The following HYDIN variants were observed in gnomAD, a reference collection of about 807,000 sequenced individuals.
HYDIN encodes HYDIN axonemal central pair apparatus protein, also known as axonemal central pair apparatus protein HYDIN.
Under a neutral mutation model 403.9 loss-of-function variants are expected in HYDIN, and 132 were observed. The ratio of observed to expected loss-of-function variants is 0.33; its 90% CI spans 0.28 to 0.38. The LOEUF (loss-of-function observed/expected upper bound fraction) is 0.38, where lower values mean the gene tolerates loss of function less well. Ranked by LOEUF, HYDIN falls within the 10% of genes least tolerant of loss-of-function variation. The pLI, the probability that HYDIN is intolerant of heterozygous loss-of-function variation, is 1.00. For synonymous variants in HYDIN, 1,202 were observed against 1,891.7 expected (o/e 0.64, Z 9.46); for missense variants, 2,827 against 5,009.5 (o/e 0.56, Z 13.15).
chr16:71,221,781 A>G (rs908125429), intron 1 of HYDIN, among the ~76,000 whole-genome samples: 23 of 152,232 alleles, frequency 1.5e-4, no homozygotes, highest in South Asian at 2.1e-4. Flanking sequence ...GAAGAAATAT[A>G]GTGTTAAATC....
At chr16:71,013,554 G>A (rs1441048538) in intron 23 of HYDIN, among the ~76,000 whole-genome samples, 2 of 151,886 alleles carry the variant, frequency 1.3e-5, no homozygotes, top group Non-Finnish European at 2.9e-5. Flanking sequence ...TGGTGCATGC[G>A]TGGAAGCAGA....
chr16:71,009,567 T>C (rs572138090), intron 23 of HYDIN, among the ~76,000 whole-genome samples: 1 of 152,260 alleles, frequency 6.6e-6, no homozygotes, highest in African/African-American at 2.4e-5. Flanking sequence ...ATGTCCATGT[T>C]TGAATCCCTG....
rs376705014 is a variant in HYDIN at position 71,057,534 on chromosome 16, T to C, written c.2529+2970A>G. ...ATATCTGACAAATGCTGAAACTAAATGTTAGTTCTCATCCAAATGCAATAA... is the reference window on the plus strand; with the variant it reads ...ATATCTGACAAATGCTGAAACTAAACGTTAGTTCTCATCCAAATGCAATAA... On this transcript the variant is annotated intron_variant, in intron 18 of 85. Coordinates refer to ENST00000393567, the MANE Select transcript of HYDIN (RefSeq NM_001270974.2). Among the ~76,000 whole-genome samples, 51 of 152,318 alleles carry C rather than the reference T, an allele frequency of 3.3e-4. 1 individual carries two copies. The highest frequency in any genetic ancestry group is 1.2e-3 in the African/African-American group (48 of 41,580).
At chr16:71,000,225 G>A (rs1052531416) in intron 23 of HYDIN, among the ~76,000 whole-genome samples, 10 of 151,940 alleles carry the variant, frequency 6.6e-5, no homozygotes, top group South Asian at 4.2e-4. Context: ...GATAGTTTCC[G>A]CTGATTTCAT....
At chr16:70,974,355 G>A in intron 32 of HYDIN, 55 bp from the exon 33 acceptor site, 3 of 1,488,444 alleles carry the variant, frequency 2.0e-6, no homozygotes, top group Non-Finnish European at 2.7e-6. Flanking sequence ...GCAAACAAGA[G>A]CTGCTCTAGA....
chr16:70,943,277 T>C (rs896475554), intron 42 of HYDIN, among the ~76,000 whole-genome samples: 5 of 152,176 alleles, frequency 3.3e-5, no homozygotes, highest in South Asian at 2.1e-4. Context: ...TTAAAAGCAA[T>C]ATGTCATTGT....
At chr16:70,871,318 T>A (rs1341297336) in intron 65 of HYDIN, among the ~76,000 whole-genome samples, 1 of 152,186 alleles carries the variant, frequency 6.6e-6, no homozygotes, top group African/African-American at 2.4e-5. Context: ...AGTACTGTGC[T>A]TGAGCAGACT....
chr16:71,105,479 A>T (rs1444018402), intron 10 of HYDIN, among the ~76,000 whole-genome samples: 1 of 127,128 alleles, frequency 7.9e-6, no homozygotes, highest in Non-Finnish European at 1.7e-5. Flanking sequence ...AATCTAATTC[A>T]ATCTCCATTC....
intron 47 of HYDIN, among the ~76,000 whole-genome samples, chr16:70,913,150 C>G (rs2076740621): frequency 6.7e-6 from 1 of 149,968 alleles, no homozygotes; most frequent in African/African-American, 2.5e-5. Flanking sequence ...CTGCTCTGAC[C>G]TTGGTTATTT....
chr16:71,061,350 G>A (rs377450319), intron 17 of HYDIN, among the ~76,000 whole-genome samples: 2,317 of 151,710 alleles, frequency 0.015, 5 homozygotes, highest in African/African-American at 0.052. Context: ...ATATGGAAGA[G>A]ATAAAAGCAA....
At chr16:70,967,060 T>A (rs1422885883) in intron 36 of HYDIN, among the ~76,000 whole-genome samples, 2 of 151,736 alleles carry the variant, frequency 1.3e-5, no homozygotes, top group Non-Finnish European at 2.9e-5. Context: ...GAAAAAGAGA[T>A]TACTAGCTAA....
intron 9 of HYDIN, among the ~76,000 whole-genome samples, chr16:71,124,320 T>C (rs1468164282): frequency 1.3e-5 from 2 of 152,272 alleles, no homozygotes; most frequent in Non-Finnish European, 2.9e-5. Flanking sequence ...TTCTAGAGTT[T>C]TGAGTCTGTC....
In HYDIN at chr16:71,031,711, A is replaced by T. The variant is rs137959680; in HGVS notation, c.2736T>A (p.Phe912Leu). The change falls in exon 19 of 86, where the codon TTT (phenylalanine) becomes TTA (leucine). Residue 912 changes from phenylalanine to leucine, a missense_variant. By Grantham distance (22) the Phe-to-Leu change is conservative (BLOSUM62 0). Coordinates refer to ENST00000393567, the MANE Select transcript of HYDIN (RefSeq NM_001270974.2). ...TGSTIVSDKP[F>L]APELNLGAHF... is the part of the protein sequence containing the mutation. ...GTGCCCCCAAATTGAGTTCTGGAGC[A>T]AAGGGCTTATCTGAAACAATAGTGG... The T allele has an allele frequency of 1.9e-5, 30 of 1,565,832 alleles. 2 individuals carry two copies. The African/African-American group carries it at 4.1e-4, about 21-fold the overall frequency.
intron 18 of HYDIN, among the ~76,000 whole-genome samples, chr16:71,057,492 T>G (rs1469928458): frequency 6.6e-6 from 1 of 152,232 alleles, no homozygotes; most frequent in East Asian, 1.9e-4. Flanking sequence ...AAATTAATAA[T>G]ACTTGATTAT....
chr16:71,224,597 T>C (rs573725199), intron 1 of HYDIN, among the ~76,000 whole-genome samples: 20 of 144,468 alleles, frequency 1.4e-4, no homozygotes, highest in African/African-American at 4.6e-4. Flanking sequence ...AGTCTCGCTC[T>C]GTCGCCCAGG....
chr16:70,947,754 G>A (rs1385025193), intron 41 of HYDIN, among the ~76,000 whole-genome samples: 14 of 152,274 alleles, frequency 9.2e-5, no homozygotes, highest in African/African-American at 2.9e-4. Flanking sequence ...TACAAGGGAC[G>A]TGAAGGACCT....
At chr16:71,156,816 C>T (rs1225818005) in intron 6 of HYDIN, among the ~76,000 whole-genome samples, 2 of 152,014 alleles carry the variant, frequency 1.3e-5, no homozygotes, top group Non-Finnish European at 2.9e-5. Context: ...CTCTCTATTT[C>T]ACCTTCCAAT....
chr16:71,089,661 G>A (rs1423257070), intron 11 of HYDIN, among the ~76,000 whole-genome samples: 8 of 152,122 alleles, frequency 5.3e-5, no homozygotes, highest in East Asian at 3.9e-4. Flanking sequence ...CTGACCTTGA[G>A]GAAGAGAGTA....
intron 13 of HYDIN, among the ~76,000 whole-genome samples, chr16:71,078,428 A>C (rs2082682965): frequency 6.6e-6 from 1 of 152,014 alleles, no homozygotes; most frequent in Admixed American, 6.6e-5. Flanking sequence ...GCATTCTCTT[A>C]TCTGTTTTTA....
Sources: gnomAD v4.1 joint callset for allele counts (sites outside exome capture counted in the v4.1 genomes callset) on GRCh38, gnomAD v4.1.1 for gene constraint, MANE v1.5 for transcripts, NCBI Gene and HGNC (gene_info 2026-07-23, HGNC 2026-07-21) for gene names.